GARNL3: variants seen among roughly 807,000 people sequenced by gnomAD.
The protein encoded by GARNL3 is GTPase activating Rap/RanGAP domain like 3.
In GARNL3, 63 loss-of-function variants were observed where a neutral mutation model predicts 125.0. The observed-to-expected ratio is 0.50, with a 90% CI of 0.41 to 0.62. The LOEUF (loss-of-function observed/expected upper bound fraction) is 0.62, where lower values mean the gene tolerates loss of function less well. GARNL3 is among the 20% of genes least tolerant of loss of function. GARNL3 has a pLI of 0.00. For synonymous variants in GARNL3, 439 were observed against 457.5 expected, an observed-to-expected ratio of 0.96 and a Z score of 0.52; for missense variants, 994 against 1,244.0, an observed-to-expected ratio of 0.80 and a Z score of 3.02.
At chr9:127,370,216 T>C (rs543180136) in intron 22 of GARNL3, among the ~76,000 whole-genome samples, 2 of 152,276 alleles carry the variant, frequency 1.3e-5, no homozygotes, top group East Asian at 3.9e-4. Context: ...GAGGTACTTG[T>C]TTCTGGAGCT....
intron 22 of GARNL3, among the ~76,000 whole-genome samples, chr9:127,377,063 A>G (rs1276540161): frequency 6.6e-6 from 1 of 152,246 alleles, no homozygotes; most frequent in Non-Finnish European, 1.5e-5. Context: ...CACTCCATAA[A>G]TATCTGCTAA....
Position 127,351,772 on chromosome 9 carries a change from A to T in GARNL3, c.1544-2074A>T, listed in dbSNP as rs555575279. ...CAAAACCTACTTTGAAAGGAAACTG[A>T]ATACTGATTAAATATGCTCTCGCCC... On this transcript the variant is annotated intron_variant, in intron 17 of 27. Coordinates refer to ENST00000373387, the MANE Select transcript of GARNL3 (RefSeq NM_032293.5). Among the ~76,000 whole-genome samples, 8 of 152,364 alleles carry T rather than the reference A, an allele frequency of 5.3e-5. No homozygotes were observed. The South Asian group carries it at 1.7e-3, about 32-fold the overall frequency.
At chr9:127,365,145 C>T in intron 21 of GARNL3, 155 bp from the exon 22 acceptor site, 3 of 647,596 alleles carry the variant, frequency 4.6e-6, no homozygotes, top group Admixed American at 2.5e-5. Context: ...ATCCCAGCCC[C>T]CAATGTGCAT....
rs751281833 is a variant in GARNL3 at position 127,354,246 on chromosome 9, CCTTA to C, written c.1643-44_1643-41del. ...CTGCCCCTGGAGGCCCTCCAGGTTACCTTACTTTTCCATTTAATCTCCTCCTCTG... is the reference window on the plus strand; with the variant it reads ...CTGCCCCTGGAGGCCCTCCAGGTTACCTTTTCCATTTAATCTCCTCCTCTG... On this transcript the variant is annotated intron_variant, in intron 18 of 27. Coordinates refer to ENST00000373387, the MANE Select transcript of GARNL3 (RefSeq NM_032293.5). The C allele has an allele frequency of 2.1e-6, 3 of 1,462,936 alleles. No homozygotes were observed. In the East Asian group the frequency reaches 6.8e-5, roughly 33 times the overall value. The allele number at this position is 1,462,936 out of a possible 1,614,324, so 90.6% of individuals were successfully genotyped here. A position where few individuals can be genotyped will look rare whatever the true frequency, so the allele number is the denominator to read the frequency against.
At chr9:127,246,152 G>A (rs1389775784) in intron 2 of GARNL3, among the ~76,000 whole-genome samples, 1 of 152,106 alleles carries the variant, frequency 6.6e-6, no homozygotes, top group Non-Finnish European at 1.5e-5. Context: ...GGGAGCCATT[G>A]GTCTTGACTC....
intron 7 of GARNL3, among the ~76,000 whole-genome samples, chr9:127,331,737 A>C: frequency 1.3e-4 from 2 of 15,290 alleles, no homozygotes; most frequent in Non-Finnish European, 2.7e-4. Context: ...TTTTTTTTTC[A>C]CATCTGTTTT....
intron 25 of GARNL3, 105 bp downstream of exon 25, chr9:127,387,436 T>C: frequency 8.8e-7 from 1 of 1,138,314 alleles, no homozygotes; most frequent in Non-Finnish European, 1.2e-6. Flanking sequence ...GAAGTTACTA[T>C]TTAAAGCCAT....
rs1299327250 is a variant in GARNL3, at chr9:127,357,512, C to T, written c.2094+135C>T. On this transcript the variant is annotated intron_variant, in intron 21 of 27. Coordinates refer to ENST00000373387, the MANE Select transcript of GARNL3 (RefSeq NM_032293.5). ...CATCACATCAGTATTATGTGATTCA[C>T]TATTTAGACTGAGCCATGTGAAGTT... 3.7e-6 allele frequency: 3 copies of T among 819,228 alleles called. No individual in the cohort carries two copies. In the African/African-American group the frequency reaches 5.2e-5, roughly 14 times the overall value. The allele number at this position is 819,228 out of a possible 1,614,324, so 50.7% of individuals were successfully genotyped here.
chr9:127,265,224 ATCTTG>A (rs2063678199), intron 1 of GARNL3, among the ~76,000 whole-genome samples: 1 of 152,026 alleles, frequency 6.6e-6, no homozygotes, highest in Non-Finnish European at 1.5e-5. Flanking sequence ...ATACTTTTTA[ATCTTG>A]TCTTCCAGTT....
At chr9:127,332,455 G>A (rs368594407) in intron 8 of GARNL3, 106 bp downstream of exon 8, 52 of 835,274 alleles carry the variant, frequency 6.2e-5, no homozygotes, top group African/African-American at 4.8e-4. Flanking sequence ...TCTTTAATAC[G>A]AGGAGATAGT....
chr9:127,342,769 A>G (rs1446243507), intron 14 of GARNL3, among the ~76,000 whole-genome samples: 1 of 152,062 alleles, frequency 6.6e-6, no homozygotes, highest in Non-Finnish European at 1.5e-5. Context: ...CCAGCCCCAT[A>G]TTCAGGCACT....
intron 2 of GARNL3, among the ~76,000 whole-genome samples, chr9:127,248,179 T>C (rs1226253325): frequency 6.6e-6 from 1 of 152,248 alleles, no homozygotes; most frequent in Admixed American, 6.5e-5. Flanking sequence ...CCTGCCGTTG[T>C]GTTTCCATTA....
upstream of GARNL3, among the ~76,000 whole-genome samples, chr9:127,261,927 C>T (rs934654007): frequency 3.9e-5 from 6 of 152,182 alleles, no homozygotes; most frequent in Non-Finnish European, 8.8e-5. Flanking sequence ...AAGAACCTCG[C>T]TAAGTTCAGC....
At chr9:127,373,172 C>T (rs993496808) in intron 22 of GARNL3, among the ~76,000 whole-genome samples, 1 of 152,102 alleles carries the variant, frequency 6.6e-6, no homozygotes, top group Non-Finnish European at 1.5e-5. Flanking sequence ...GATTGCAAGT[C>T]CCAGAGAATT....
At chr9:127,378,477 T>C (rs1832055548) in intron 22 of GARNL3, among the ~76,000 whole-genome samples, 1 of 151,288 alleles carries the variant, frequency 6.6e-6, no homozygotes, top group African/African-American at 2.4e-5. Context: ...ATCCCAGCTA[T>C]TCGGGAGGCT....
intron 1 of GARNL3, among the ~76,000 whole-genome samples, chr9:127,289,729 A>G (rs139554063): frequency 6.6e-6 from 1 of 152,344 alleles, no homozygotes. Context: ...GGTCATTCCC[A>G]GGTCTTAGAG....
Position 127,385,739 on chromosome 9 carries a change from C to T in GARNL3, c.2388+594C>T, listed in dbSNP as rs10819285. Among the ~76,000 whole-genome samples, 20,705 of 152,194 alleles carry T rather than the reference C, an allele frequency of 0.14. 1,907 individuals are homozygous for T. Among genetic ancestry groups the T allele is most frequent in the South Asian group, 0.33 (1,607 of 4,808 alleles). On this transcript the variant is annotated intron_variant, in intron 24 of 27. Transcript: ENST00000373387. This position sits in a 1 kb window ranked among gnomAD's most constrained non-coding sequence, Gnocchi z 4.1. The stretch of plus-strand genomic sequence containing the variant: ...CCCTGCCAGACTGGGCTGGCTCCCC[C>T]GCTGTGTCCCCTGTTCCCTTCCCTG...
intron 2 of GARNL3, among the ~76,000 whole-genome samples, chr9:127,292,363 T>C (rs1016264791): frequency 6.6e-6 from 1 of 152,196 alleles, no homozygotes; most frequent in African/African-American, 2.4e-5. Flanking sequence ...CCTCTCCAAA[T>C]GGCCTGGCCC....
upstream of GARNL3, among the ~76,000 whole-genome samples, chr9:127,260,601 A>G (rs1405173279): frequency 6.6e-6 from 1 of 152,224 alleles, no homozygotes; most frequent in East Asian, 1.9e-4. Flanking sequence ...TTTGTGGGCC[A>G]TATGGGTCTC....
Sources: allele counts gnomAD v4.1 joint callset (sites outside exome capture counted in the v4.1 genomes callset), GRCh38; gene constraint gnomAD v4.1.1; non-coding constraint Gnocchi (gnomAD v3.1); transcripts MANE v1.5; gene names NCBI Gene and HGNC (gene_info 2026-07-23, HGNC 2026-07-21).